Variants in BCR observed in about 807,000 individuals in gnomAD.
The protein encoded by BCR is BCR activator of RhoGEF and GTPase, also known as breakpoint cluster region protein.
In BCR, 58 loss-of-function variants were observed where a neutral mutation model predicts 138.6. The ratio of observed to expected loss-of-function variants is 0.42; its 90% confidence interval spans 0.34 to 0.52. BCR has a LOEUF of 0.52. BCR is among the 20% of genes least tolerant of loss of function. The pLI is 0.06. For synonymous variants in BCR, 786 were observed against 730.1 expected (o/e 1.08, Z -1.23); for missense variants, 1,599 against 1,727.2 (o/e 0.93, Z 1.32).
intron 8 of BCR, among the ~76,000 whole-genome samples, chr22:23,276,774 G>A (rs1245036317): frequency 6.7e-6 from 1 of 149,182 alleles, no homozygotes; most frequent in Admixed American, 6.6e-5. Context: ...TGCCCAACGG[G>A]TTTGCAGTCC....
intron 1 of BCR, among the ~76,000 whole-genome samples, chr22:23,200,085 T>G: frequency 7.6e-6 from 1 of 130,850 alleles, no homozygotes; most frequent in African/African-American, 3.4e-5. Context: ...AGACTGCGTC[T>G]CAAAAAAAAA....
At chr22:23,237,272 G>C (rs1025551163) in intron 1 of BCR, among the ~76,000 whole-genome samples, 2 of 152,300 alleles carry the variant, frequency 1.3e-5, no homozygotes, top group Admixed American at 1.3e-4. Context: ...CTCCCGGAGC[G>C]GGTGTCTAGC....
At chr22:23,227,377 G>T (rs2072907288) in intron 1 of BCR, among the ~76,000 whole-genome samples, 1 of 152,196 alleles carries the variant, frequency 6.6e-6, no homozygotes, top group African/African-American at 2.4e-5. Context: ...CACAGCCCAC[G>T]ATCAGGGAGG....
At chr22:23,217,782 G>A (rs1319569887) in intron 1 of BCR, among the ~76,000 whole-genome samples, 2 of 152,212 alleles carry the variant, frequency 1.3e-5, no homozygotes, top group East Asian at 3.9e-4. Context: ...ATGGGAAACC[G>A]CACTTTGCCT....
intron 9 of BCR, 92 bp from the exon 10 acceptor site, chr22:23,284,941 C>G (rs116955189): frequency 7.0e-7 from 1 of 1,425,006 alleles, no homozygotes; most frequent in Non-Finnish European, 9.6e-7. Context: ...CATGTATGGC[C>G]GAGAACACTG....
rs1166334306 is a variant in BCR at position 23,180,752 on chromosome 22, C to T, written c.-209C>T. The T allele has an allele frequency of 1.1e-4, 17 of 154,042 alleles. No individual in the cohort carries two copies. The highest frequency in any genetic ancestry group is 4.7e-4 in the Admixed American group (7 of 14,772). The allele number at this position is 154,042 out of a possible 1,614,324, so 9.5% of individuals were successfully genotyped here. A position where few individuals can be genotyped will look rare whatever the true frequency, so the allele number is the denominator to read the frequency against. ...AATAGCGGCGCGCGCAGCCCGCGCC[C>T]TTCCCCCCGGCGCGCCCCGCCCCGC... On this transcript the variant is annotated 5_prime_UTR_variant, in exon 1 of 23. Transcript: ENST00000305877.
chr22:23,184,919 G>A (rs1391829840), intron 1 of BCR, among the ~76,000 whole-genome samples: 1 of 152,188 alleles, frequency 6.6e-6, no homozygotes, highest in Non-Finnish European at 1.5e-5. Flanking sequence ...TCACTCATGG[G>A]GGTGGGTGGG....
At chr22:23,198,638 G>A (rs1350369386) in intron 1 of BCR, among the ~76,000 whole-genome samples, 1 of 152,170 alleles carries the variant, frequency 6.6e-6, no homozygotes, top group Non-Finnish European at 1.5e-5. Flanking sequence ...GTGATGCTGG[G>A]CACCATGCTG....
intron 4 of BCR, among the ~76,000 whole-genome samples, chr22:23,265,941 A>AT (rs1326579148): frequency 6.6e-6 from 1 of 152,200 alleles, no homozygotes; most frequent in African/African-American, 2.4e-5. Context: ...CAAGTTAACA[A>AT]TTACATTCTT....
chr22:23,251,684 TA>T (rs1367518426), intron 1 of BCR, among the ~76,000 whole-genome samples: 1 of 152,236 alleles, frequency 6.6e-6, no homozygotes, highest in Non-Finnish European at 1.5e-5. Context: ...GTGGCAGTTG[TA>T]AACTCCTGAA....
At chr22:23,300,972 C>T (rs1317220819) in intron 16 of BCR, among the ~76,000 whole-genome samples, 3 of 152,220 alleles carry the variant, frequency 2.0e-5, no homozygotes, top group African/African-American at 7.2e-5. Context: ...TAGAATGTTG[C>T]CCTCTAAGGA....
chr22:23,254,574 C>A (rs779859509), intron 2 of BCR: 9 of 518,802 alleles, frequency 1.7e-5, no homozygotes, highest in Non-Finnish European at 3.5e-5. Context: ...CCCACGCCCC[C>A]CCTCACATGA....
At chr22:23,198,446 TACTGCTGA>T (rs2072508683) in intron 1 of BCR, 1 of 407,308 alleles carries the variant, frequency 2.5e-6, no homozygotes, top group Non-Finnish European at 4.7e-6. Context: ...GTGGCTGGGT[TACTGCTGA>T]ACAGCTATCA....
rs1317913859 is a variant in BCR at position 23,184,991 on chromosome 22, G to A, written c.1279+2752G>A. 1.1e-4 allele frequency among the ~76,000 whole-genome samples: 16 copies of A among 152,246 alleles called. No homozygotes were observed. The East Asian group carries it at 2.5e-3, about 24-fold the overall frequency. ...GTGGTGACCCAGATCTAATAACCTC[G>A]GAATCAGTCTGTTTGGATGAATGGA... On this transcript the variant is annotated intron_variant, in intron 1 of 22. Transcript: ENST00000305877.
At chr22:23,237,855 G>C (rs1011156426) in intron 1 of BCR, among the ~76,000 whole-genome samples, 2 of 152,228 alleles carry the variant, frequency 1.3e-5, no homozygotes, top group Non-Finnish European at 1.5e-5. Flanking sequence ...GGAGCCCTCA[G>C]CCTCACACTG....
In BCR at chr22:23,261,549, C is replaced by T; in HGVS notation, c.1752+9C>T. On this transcript the variant is annotated intron_variant, in intron 4 of 22. Coordinates refer to ENST00000305877, the MANE Select transcript of BCR (RefSeq NM_004327.4). ...ACCTCTTCCAGAAGCTGGTGAGTAA[C>T]CCAGGGCCGGTGCTGGGACTACAGG... The T allele has an allele frequency of 6.2e-7, 1 of 1,610,480 alleles. No individual in the cohort carries two copies. The highest frequency in any genetic ancestry group is 2.2e-5 in the East Asian group (1 of 44,870).
At chr22:23,261,624 G>A in intron 4 of BCR, 84 bp downstream of exon 4, 1 of 1,446,756 alleles carries the variant, frequency 6.9e-7, no homozygotes, top group South Asian at 1.2e-5. Flanking sequence ...TAGAGACAGG[G>A]TTTTGCTATG....
At chr22:23,252,438 T>TTC (rs1296360473) in intron 1 of BCR, among the ~76,000 whole-genome samples, 1 of 144,512 alleles carries the variant, frequency 6.9e-6, no homozygotes, top group African/African-American at 2.6e-5. Flanking sequence ...TTTTCTTTTT[T>TTC]TTTTTTTTTT....
At chr22:23,281,753 C>T (rs183588856) in intron 8 of BCR, among the ~76,000 whole-genome samples, 2 of 152,320 alleles carry the variant, frequency 1.3e-5, no homozygotes, top group Admixed American at 6.5e-5. Context: ...TCGAGCCTCC[C>T]GGGCCTGCAG....
Sources: allele counts gnomAD v4.1 joint callset (sites outside exome capture counted in the v4.1 genomes callset), GRCh38; gene constraint gnomAD v4.1.1; transcripts MANE v1.5; gene names NCBI Gene and HGNC (gene_info 2026-07-23, HGNC 2026-07-21).